Variants in PLXNA4 observed in about 807,000 individuals in gnomAD.
PLXNA4 encodes the protein plexin-A4.
In PLXNA4, 44 loss-of-function variants were observed where a neutral mutation model predicts 191.8. The ratio of observed to expected loss-of-function variants is 0.23; its 90% CI spans 0.18 to 0.29. PLXNA4 has a LOEUF of 0.29. Among genes scored for constraint, PLXNA4 ranks in the 10% least tolerant of loss-of-function variants. The pLI is 1.00. For synonymous variants in PLXNA4, 1,082 were observed against 1,009.5 expected (o/e 1.07, Z -1.36); for missense variants, 1,800 against 2,488.8 (o/e 0.72, Z 5.89).
chr7:132,197,000 T>C (rs1168857879), intron 13 of PLXNA4, among the ~76,000 whole-genome samples: 1 of 152,166 alleles, frequency 6.6e-6, no homozygotes, highest in Non-Finnish European at 1.5e-5. Flanking sequence ...ACTCCCAGTT[T>C]ATCATTCACA....
chr7:132,503,989 G>A (rs1798357371), intron 2 of PLXNA4, among the ~76,000 whole-genome samples: 1 of 152,198 alleles, frequency 6.6e-6, no homozygotes, highest in Admixed American at 6.5e-5. Context: ...ACACCAGAAA[G>A]CCCCAGCTGC....
chr7:132,333,304 G>A (rs1317677761), intron 3 of PLXNA4, among the ~76,000 whole-genome samples: 2 of 152,196 alleles, frequency 1.3e-5, no homozygotes, highest in Non-Finnish European at 2.9e-5. Flanking sequence ...GCACAGGTAT[G>A]CAGAGTAATA....
intron 25 of PLXNA4, among the ~76,000 whole-genome samples, chr7:132,156,649 G>A (rs1410100599): frequency 6.6e-6 from 1 of 152,252 alleles, no homozygotes; most frequent in African/African-American, 2.4e-5. Context: ...TCCAGCCCAT[G>A]GGGCTGAGTG....
intron 3 of PLXNA4, among the ~76,000 whole-genome samples, chr7:132,404,480 C>A (rs1366854162): frequency 6.6e-6 from 1 of 152,156 alleles, no homozygotes; most frequent in Non-Finnish European, 1.5e-5. Context: ...AGGTGGCCTC[C>A]CACTGGGTGG....
At chr7:132,562,985 T>TCCCTCCTCCTCCTC (rs1563175152) in intron 1 of PLXNA4, among the ~76,000 whole-genome samples, 16 of 7,592 alleles carry the variant, frequency 2.1e-3, no homozygotes, top group South Asian at 9.8e-3. Context: ...TCCTCCTCCT[T>TCCCTCCTCCTCCTC]CTCCTCCTCC....
intron 3 of PLXNA4, among the ~76,000 whole-genome samples, chr7:132,440,777 C>A (rs942543301): frequency 6.6e-6 from 1 of 152,068 alleles, no homozygotes; most frequent in Admixed American, 6.5e-5. Flanking sequence ...GATTTTTGCC[C>A]ACAAGTAAAA....
intron 4 of PLXNA4, among the ~76,000 whole-genome samples, chr7:132,249,426 T>C (rs772974584): frequency 3.3e-5 from 5 of 152,184 alleles, no homozygotes; most frequent in Non-Finnish European, 5.9e-5. Flanking sequence ...CATCAACATA[T>C]GTTGGTCCTC....
intron 1 of PLXNA4, among the ~76,000 whole-genome samples, chr7:132,561,935 CTCCTTACCCTCCTCT>C (rs1801145894): frequency 7.0e-6 from 1 of 142,988 alleles, no homozygotes; most frequent in South Asian, 2.4e-4. Context: ...CATCCTCCTC[CTCCTTACCCTCCTCT>C]TTCTCCTCCT....
intron 25 of PLXNA4, among the ~76,000 whole-genome samples, chr7:132,152,263 A>G (rs1795668253): frequency 6.6e-6 from 1 of 152,176 alleles, no homozygotes; most frequent in Non-Finnish European, 1.5e-5. Flanking sequence ...GGCTGGGCTC[A>G]TAAAATCTCA....
At position 132,125,214 on chromosome 7, in the gene PLXNA4, CTG is replaced by C. The variant is rs1794736394; in HGVS notation, c.*5263_*5264del. The C allele has an allele frequency of 6.6e-6, 1 of 152,176 alleles. No individual in the cohort carries two copies. Among genetic ancestry groups the C allele is most frequent in the Admixed American group, 6.5e-5 (1 of 15,272 alleles). The allele number at this position is 152,176 out of a possible 1,614,324, so 9.4% of individuals were successfully genotyped here. On this transcript the variant is annotated 3_prime_UTR_variant, in exon 32 of 32. Coordinates refer to ENST00000321063, the MANE Select transcript of PLXNA4 (RefSeq NM_020911.2). Reference sequence around the variant, plus strand: ...GGAGCTGTGTCAGTGTTACCTGAGGCTGTGTCTCAGCTCCCCACTCTATAAAA... The same window carrying C: ...GGAGCTGTGTCAGTGTTACCTGAGGCTGTCTCAGCTCCCCACTCTATAAAA...
chr7:132,534,698 C>G (rs1215337723), intron 1 of PLXNA4, among the ~76,000 whole-genome samples: 1 of 152,198 alleles, frequency 6.6e-6, no homozygotes, highest in African/African-American at 2.4e-5. Context: ...AAAGAAAATA[C>G]TAGAACTTCT....
chr7:132,134,361 G>A (rs1795053785), intron 30 of PLXNA4, among the ~76,000 whole-genome samples: 1 of 152,168 alleles, frequency 6.6e-6, no homozygotes, highest in Non-Finnish European at 1.5e-5. Context: ...CCTAGGAGGT[G>A]GGTGAAGACT....
At chr7:132,615,068 T>G (rs2116859057) in intron 2 of PLXNA4, among the ~76,000 whole-genome samples, 1 of 152,246 alleles carries the variant, frequency 6.6e-6, no homozygotes. Context: ...AACAAAAGAT[T>G]TAGAAGGTCT....
chr7:132,510,511 T>G (rs1798671147), intron 1 of PLXNA4, among the ~76,000 whole-genome samples: 1 of 152,158 alleles, frequency 6.6e-6, no homozygotes, highest in Admixed American at 6.5e-5. Context: ...CAAGACACTG[T>G]GGGGCCCAAG....
chr7:132,313,223 A>T (rs891362393), intron 3 of PLXNA4, among the ~76,000 whole-genome samples: 4 of 152,222 alleles, frequency 2.6e-5, no homozygotes, highest in Non-Finnish European at 5.9e-5. Flanking sequence ...AAATGCATTT[A>T]AAGTAATATT....
Position 132,470,851 on chromosome 7 carries a change from A to C in PLXNA4, c.1371+18441T>G, listed in dbSNP as rs186267623. Among the ~76,000 whole-genome samples the C allele has an allele frequency of 2.0e-3, 297 of 152,306 alleles. 3 individuals carry two copies. Among genetic ancestry groups the C allele is most frequent in the African/African-American group, 6.6e-3 (273 of 41,560 alleles). ...AGATTATCTCCTAGAACCTCCAAAA[A>C]GGGATGAGCTCCTGGAAAGGCATGA... On this transcript the variant is annotated intron_variant, in intron 3 of 31. Transcript: ENST00000321063.
chr7:132,161,865 G>A (rs1172161336), intron 24 of PLXNA4, among the ~76,000 whole-genome samples: 1 of 152,156 alleles, frequency 6.6e-6, no homozygotes, highest in Non-Finnish European at 1.5e-5. Flanking sequence ...GCTCTAGTGG[G>A]CTTCTAGGTA....
At chr7:132,458,522 A>T (rs139360834) in intron 3 of PLXNA4, among the ~76,000 whole-genome samples, 2 of 151,924 alleles carry the variant, frequency 1.3e-5, no homozygotes, top group Non-Finnish European at 2.9e-5. Context: ...TGAGCTGGGT[A>T]TCTCTCTCAC....
chr7:132,374,118 G>A (rs550664524), intron 3 of PLXNA4, among the ~76,000 whole-genome samples: 28 of 152,284 alleles, frequency 1.8e-4, no homozygotes, highest in African/African-American at 5.5e-4. Flanking sequence ...CTTGGCTCCC[G>A]TTCATTCCCA....
Sources: allele counts gnomAD v4.1 joint callset (sites outside exome capture counted in the v4.1 genomes callset), GRCh38; gene constraint gnomAD v4.1.1; transcripts MANE v1.5; gene names NCBI Gene and HGNC (gene_info 2026-07-23, HGNC 2026-07-21).